SUSD4: variants seen among roughly 807,000 people sequenced by gnomAD.
SUSD4 encodes the protein sushi domain containing 4, also known as sushi domain-containing protein 4.
Under a neutral mutation model 50.5 loss-of-function variants are expected in SUSD4, and 41 were observed. The ratio of observed to expected loss-of-function variants is 0.81; its 90% CI spans 0.63 to 1.05. SUSD4 has a LOEUF of 1.05. Among genes scored for constraint, SUSD4 ranks in the 50% least tolerant of loss-of-function variants. SUSD4 has a pLI of 0.00. For synonymous variants in SUSD4, 257 were observed against 257.3 expected, an observed-to-expected ratio of 1.00 and a Z score of 0.01; for missense variants, 580 against 634.7, an observed-to-expected ratio of 0.91 and a Z score of 0.93.
At chr1:223,363,575 C>T (rs1053235771) in intron 1 of SUSD4, 115 bp from the exon 2 acceptor site, 1 of 1,245,012 alleles carries the variant, frequency 8.0e-7, no homozygotes, top group Non-Finnish European at 1.1e-6. Flanking sequence ...CATCCTGGTT[C>T]CTCCCCCGCG....
intron 2 of SUSD4, among the ~76,000 whole-genome samples, chr1:223,338,876 C>T (rs1042773144): frequency 6.6e-6 from 1 of 152,156 alleles, no homozygotes; most frequent in African/African-American, 2.4e-5. Context: ...GTCCAGTAAG[C>T]ACTTGCATCT....
At chr1:223,271,118 T>A (rs1482826045) in intron 3 of SUSD4, among the ~76,000 whole-genome samples, 1 of 152,218 alleles carries the variant, frequency 6.6e-6, no homozygotes, top group African/African-American at 2.4e-5. Context: ...TGTAAATAGG[T>A]ACTGCGGCAG....
chr1:223,315,805 G>A (rs1666152480), intron 2 of SUSD4, among the ~76,000 whole-genome samples: 2 of 152,152 alleles, frequency 1.3e-5, no homozygotes, highest in Admixed American at 1.3e-4. Flanking sequence ...CTCAGCACCT[G>A]AGCCTGAGTT....
chr1:223,323,886 G>C (rs926414986), intron 2 of SUSD4, among the ~76,000 whole-genome samples: 1 of 151,904 alleles, frequency 6.6e-6, no homozygotes, highest in African/African-American at 2.4e-5. Flanking sequence ...AACCCAGATA[G>C]AAAGTCTGAA....
At chr1:223,314,679 C>G (rs1033918336) in intron 2 of SUSD4, among the ~76,000 whole-genome samples, 27 of 152,130 alleles carry the variant, frequency 1.8e-4, no homozygotes, top group African/African-American at 6.5e-4. Context: ...CTCACGAGAT[C>G]TGATGGTTTA....
Position 223,223,337 on chromosome 1 carries a change from G to T in SUSD4, c.1356C>A (p.Ser452Arg). ...SLYSPPRCQE[S>R]THPASDNPDI... ...CAGGGTTGTCCGAAGCAGGGTGGGT[G>T]CTCTCTTGGCACCTGGGAGGTGAAT... The change falls in exon 8 of 9, where the codon AGC becomes AGA. Residue 452 changes from serine (S) to arginine (R), a missense_variant. Ser to Arg is a moderately radical substitution (Grantham distance 110, BLOSUM62 -1). Transcript: ENST00000366878. The T allele has an allele frequency of 6.2e-7, 1 of 1,611,188 alleles. No individual in the cohort carries two copies. Among genetic ancestry groups the T allele is most frequent in the African/African-American group, 1.3e-5 (1 of 75,014 alleles).
At chr1:223,264,326 G>C in intron 5 of SUSD4, 2 of 1,094,000 alleles carry the variant, frequency 1.8e-6, no homozygotes, top group Non-Finnish European at 2.2e-6. Flanking sequence ...TTGGTGCAGA[G>C]AAAATTAATT....
chr1:223,306,455 A>T (rs958973454), intron 2 of SUSD4, among the ~76,000 whole-genome samples: 2 of 152,212 alleles, frequency 1.3e-5, no homozygotes, highest in Non-Finnish European at 1.5e-5. Context: ...TGTAAGTTTT[A>T]AGATTATCAA....
At chr1:223,277,903 C>T (rs148029928) in intron 3 of SUSD4, among the ~76,000 whole-genome samples, 37 of 152,286 alleles carry the variant, frequency 2.4e-4, no homozygotes, top group African/African-American at 8.2e-4. Context: ...CAATATCAGA[C>T]CATATCCCTA....
Position 223,268,664 on chromosome 1 carries a change from G to A in SUSD4, c.373C>T (p.Pro125Ser). The change falls in exon 4 of 9, where the codon CCT (proline) becomes TCT (serine). Residue 125 changes from proline to serine, a missense_variant. By Grantham distance (74) the Pro-to-Ser change is moderately conservative. Coordinates refer to ENST00000366878, the MANE Select transcript of SUSD4 (RefSeq NM_017982.4). ...TGAATCTCAGCATCTTCGATTTGAGGGATACGGCAATCTGCAATTTTGTAA... is the reference window on the plus strand; with the variant it reads ...TGAATCTCAGCATCTTCGATTTGAGAGATACGGCAATCTGCAATTTTGTAA... ...SICVQEDCRIPQIEDAEIHNK... is the reference protein window; with the variant it reads ...SICVQEDCRISQIEDAEIHNK... 1 of 1,610,910 alleles carries A rather than the reference G, an allele frequency of 6.2e-7. No homozygotes were observed. Among genetic ancestry groups the A allele is most frequent in the Non-Finnish European group, 8.5e-7 (1 of 1,178,620 alleles).
At chr1:223,264,006 G>C in intron 5 of SUSD4, 1 of 985,452 alleles carries the variant, frequency 1.0e-6, no homozygotes, top group Non-Finnish European at 1.2e-6. Flanking sequence ...GAACCAGCAT[G>C]TCCAACTTGC....
chr1:223,253,578 G>C (rs752696782), intron 5 of SUSD4, among the ~76,000 whole-genome samples: 35 of 152,064 alleles, frequency 2.3e-4, no homozygotes, highest in Non-Finnish European at 1.3e-4. Context: ...CAACAGAGAG[G>C]AATGACCCCA....
chr1:223,263,308 C>T (rs1475296631), intron 5 of SUSD4, among the ~76,000 whole-genome samples: 1 of 152,012 alleles, frequency 6.6e-6, no homozygotes, highest in Non-Finnish European at 1.5e-5. Flanking sequence ...CTAGGGCGAC[C>T]AGATTTAGGA....
Position 223,326,815 on chromosome 1 carries a change from G to C in SUSD4, c.149-34164C>G, listed in dbSNP as rs1156600795. The stretch of plus-strand genomic sequence containing the variant: ...ATGAGATACCACCTTACTCCAGCAA[G>C]AATGGCCATTACTAAAAAGTCAAAA... On this transcript the variant is annotated intron_variant, in intron 2 of 8. Coordinates refer to ENST00000366878, the MANE Select transcript of SUSD4 (RefSeq NM_017982.4). 8.5e-5 allele frequency among the ~76,000 whole-genome samples: 13 copies of C among 152,322 alleles called. No homozygotes were observed. The East Asian group carries it at 2.5e-3, about 29-fold the overall frequency.
At chr1:223,296,305 G>A (rs912632256) in intron 2 of SUSD4, among the ~76,000 whole-genome samples, 1 of 152,166 alleles carries the variant, frequency 6.6e-6, no homozygotes, top group Non-Finnish European at 1.5e-5. Flanking sequence ...ATACCTTCCT[G>A]GTTCTGGCAT....
chr1:223,294,506 C>T (rs868685474), intron 2 of SUSD4, among the ~76,000 whole-genome samples: 14 of 152,296 alleles, frequency 9.2e-5, no homozygotes, highest in Middle Eastern at 3.4e-3. Flanking sequence ...GATGCTAGAC[C>T]CTCTACCACT....
chr1:223,304,726 C>T (rs956447194), intron 2 of SUSD4, among the ~76,000 whole-genome samples: 5 of 143,018 alleles, frequency 3.5e-5, no homozygotes, highest in Admixed American at 2.1e-4. Flanking sequence ...CTTTGAATCC[C>T]GACTCTGCCA....
chr1:223,293,998 C>A (rs1664668722), intron 2 of SUSD4, among the ~76,000 whole-genome samples: 1 of 152,238 alleles, frequency 6.6e-6, no homozygotes, highest in East Asian at 1.9e-4. Context: ...ACAGCGAGGG[C>A]CAGGGATAAG....
intron 3 of SUSD4, among the ~76,000 whole-genome samples, chr1:223,286,979 AT>A (rs1571978321): frequency 6.6e-6 from 1 of 152,182 alleles, no homozygotes; most frequent in East Asian, 1.9e-4. Context: ...TGGACCCAGG[AT>A]TTTGAGCCAG....
Sources: gnomAD v4.1 joint callset for allele counts (sites outside exome capture counted in the v4.1 genomes callset) on GRCh38, gnomAD v4.1.1 for gene constraint, MANE v1.5 for transcripts, NCBI Gene and HGNC (gene_info 2026-07-23, HGNC 2026-07-21) for gene names.